WWC2: variants seen among roughly 807,000 people sequenced by gnomAD.
WWC2 encodes WW and C2 domain containing 2.
Under a neutral mutation model 138.5 loss-of-function variants are expected in WWC2, and 101 were observed. The ratio of observed to expected loss-of-function variants is 0.73; its 90% CI spans 0.62 to 0.86. The LOEUF (loss-of-function observed/expected upper bound fraction) is 0.86. Ranked by LOEUF, WWC2 falls within the 40% of genes least tolerant of loss-of-function variation. WWC2 has a pLI of 0.00. For synonymous variants in WWC2, 558 were observed against 538.4 expected (o/e 1.04, Z -0.50); for missense variants, 1,420 against 1,419.4 (o/e 1.00, Z -0.01).
At chr4:183,219,656 G>T (rs115224724) in intron 4 of WWC2, among the ~76,000 whole-genome samples, 38 of 152,216 alleles carry the variant, frequency 2.5e-4, no homozygotes, top group Non-Finnish European at 4.4e-4. Flanking sequence ...CTGTCATAAG[G>T]CACTTTGACT....
intron 1 of WWC2, among the ~76,000 whole-genome samples, chr4:183,122,938 G>A (rs1472443172): frequency 6.6e-6 from 1 of 152,200 alleles, no homozygotes; most frequent in Non-Finnish European, 1.5e-5. Flanking sequence ...TTCATTAGAA[G>A]TAAGAGAAAT....
chr4:183,270,678 C>T (rs1007606180), intron 15 of WWC2, among the ~76,000 whole-genome samples: 4 of 152,084 alleles, frequency 2.6e-5, no homozygotes, highest in African/African-American at 7.2e-5. Flanking sequence ...GTAGGAGAAT[C>T]GCTTGAACCC....
At chr4:183,286,792 G>A (rs375786915) in intron 20 of WWC2, among the ~76,000 whole-genome samples, 37 of 152,276 alleles carry the variant, frequency 2.4e-4, no homozygotes, top group African/African-American at 7.7e-4. Flanking sequence ...CCATGGTCTA[G>A]AGGAGGACAC....
At position 183,274,591 on chromosome 4, in the gene WWC2, T is replaced by C. The variant is rs145679631; in HGVS notation, c.2562+3350T>C. Among the ~76,000 whole-genome samples, 238 of 152,246 alleles carry C rather than the reference T, an allele frequency of 1.6e-3. 3 individuals are homozygous for C. Among genetic ancestry groups the C allele is most frequent in the African/African-American group, 5.4e-3 (223 of 41,538 alleles). ...AGTATGCGACTTCTTTTGTTAAACT[T>C]ATTTCTAAGTATTTTATTGTTTCTG... On this transcript the variant is annotated intron_variant, in intron 16 of 22. Coordinates refer to ENST00000403733, the MANE Select transcript of WWC2 (RefSeq NM_024949.6).
At chr4:183,238,834 C>T (rs1580093989) in intron 4 of WWC2, among the ~76,000 whole-genome samples, 1 of 152,144 alleles carries the variant, frequency 6.6e-6, no homozygotes, top group East Asian at 1.9e-4. Flanking sequence ...TGATTATTTG[C>T]TCAATATCTG....
chr4:183,219,532 C>T (rs975986788), intron 4 of WWC2, among the ~76,000 whole-genome samples: 1 of 152,032 alleles, frequency 6.6e-6, no homozygotes, highest in East Asian at 1.9e-4. Flanking sequence ...AATTTGAAGT[C>T]TCTTTAAATA....
chr4:183,287,814 C>G (rs1231308767), intron 20 of WWC2, among the ~76,000 whole-genome samples: 2 of 152,256 alleles, frequency 1.3e-5, no homozygotes, highest in East Asian at 3.9e-4. Flanking sequence ...CTCACAAGAG[C>G]CAATTGTGCT....
intron 1 of WWC2, among the ~76,000 whole-genome samples, chr4:183,182,437 A>G (rs750654506): frequency 1.3e-5 from 2 of 152,168 alleles, no homozygotes; most frequent in Non-Finnish European, 2.9e-5. Flanking sequence ...TAAGTTCTCT[A>G]CCTCTCTCAA....
intron 1 of WWC2, among the ~76,000 whole-genome samples, chr4:183,138,172 T>C (rs1733180120): frequency 6.6e-6 from 1 of 152,206 alleles, no homozygotes; most frequent in Non-Finnish European, 1.5e-5. Context: ...TTATGAATTC[T>C]TGGGGGAGGT....
At chr4:183,204,316 A>T (rs374042380) in intron 2 of WWC2, among the ~76,000 whole-genome samples, 19 of 152,326 alleles carry the variant, frequency 1.2e-4, no homozygotes, top group Middle Eastern at 6.8e-3. Context: ...GAATACCAGG[A>T]TAGGACACCA....
rs1233912850 is a variant in WWC2 at position 183,265,381 on chromosome 4, A to G, written c.2039+274A>G. ...AGTGGGAATATTGGAAGAATTCACC[A>G]GACCCTGTTTGGCACATGAAGCTTC... On this transcript the variant is annotated intron_variant, in intron 12 of 22. Transcript: ENST00000403733. Among the ~76,000 whole-genome samples the G allele has an allele frequency of 3.9e-5, 6 of 152,240 alleles. 1 individual carries two copies. Among genetic ancestry groups the G allele is most frequent in the Non-Finnish European group, 5.9e-5 (4 of 68,032 alleles).
intron 1 of WWC2, among the ~76,000 whole-genome samples, chr4:183,168,057 C>T (rs1172743665): frequency 6.6e-6 from 1 of 151,850 alleles, no homozygotes; most frequent in Non-Finnish European, 1.5e-5. Flanking sequence ...AGGGTTTCTC[C>T]ATGTTGGCCA....
At chr4:183,220,993 A>G (rs1159769322) in intron 4 of WWC2, among the ~76,000 whole-genome samples, 1 of 152,206 alleles carries the variant, frequency 6.6e-6, no homozygotes, top group Admixed American at 6.5e-5. Flanking sequence ...AAATGGCCTA[A>G]ATGCTCCAAT....
chr4:183,261,876 A>G (rs1429432009), intron 11 of WWC2, among the ~76,000 whole-genome samples: 2 of 152,220 alleles, frequency 1.3e-5, no homozygotes, highest in African/African-American at 4.8e-5. Context: ...ATTTTCTTTT[A>G]AAAGTTGGCC....
intron 1 of WWC2, among the ~76,000 whole-genome samples, chr4:183,117,841 G>T (rs970839581): frequency 1.3e-5 from 2 of 150,686 alleles, no homozygotes; most frequent in Admixed American, 1.3e-4. Flanking sequence ...AGGCTGGAGT[G>T]CCAGGCTGGA....
At chr4:183,235,843 A>T (rs1027203443) in intron 4 of WWC2, among the ~76,000 whole-genome samples, 38 of 152,344 alleles carry the variant, frequency 2.5e-4, no homozygotes, top group Non-Finnish European at 3.8e-4. Flanking sequence ...AACAATTTTT[A>T]AAAAAATTTA....
At chr4:183,105,055 C>T (rs1170310544) in intron 1 of WWC2, among the ~76,000 whole-genome samples, 5 of 152,078 alleles carry the variant, frequency 3.3e-5, no homozygotes, top group Admixed American at 6.6e-5. Flanking sequence ...TACAGGTGCA[C>T]GCCACCCTGT....
At chr4:183,304,589 A>C (rs1560896289) in intron 21 of WWC2, among the ~76,000 whole-genome samples, 2 of 152,038 alleles carry the variant, frequency 1.3e-5, no homozygotes, top group African/African-American at 4.8e-5. Flanking sequence ...GAAATACTCA[A>C]CTCTAGCCCC....
At chr4:183,290,566 C>T (rs567626409) in intron 21 of WWC2, among the ~76,000 whole-genome samples, 3 of 151,502 alleles carry the variant, frequency 2.0e-5, no homozygotes, top group East Asian at 3.9e-4. Flanking sequence ...ATTATTTTGG[C>T]ACCTACATAC....
Sources: allele counts gnomAD v4.1 joint callset (sites outside exome capture counted in the v4.1 genomes callset), GRCh38; gene constraint gnomAD v4.1.1; transcripts MANE v1.5; gene names NCBI Gene and HGNC (gene_info 2026-07-23, HGNC 2026-07-21).